Variants in RAB8B observed in about 807,000 individuals in gnomAD.
The protein encoded by RAB8B is RAB8B, member RAS oncogene family, also known as ras-related protein Rab-8B.
A neutral mutation model predicts 32.0 loss-of-function variants in RAB8B; 11 were observed. That is an observed-to-expected ratio of 0.34 (90% CI 0.22 to 0.57). The LOEUF (loss-of-function observed/expected upper bound fraction) is 0.57, where lower values mean the gene tolerates loss of function less well. Ranked by LOEUF, RAB8B falls within the 20% of genes least tolerant of loss-of-function variation. RAB8B has a pLI of 0.86. For synonymous variants in RAB8B, 103 were observed against 89.6 expected, an observed-to-expected ratio of 1.15 and a Z score of -0.85; for missense variants, 190 against 258.5, an observed-to-expected ratio of 0.73 and a Z score of 1.82.
intron 3 of RAB8B, among the ~76,000 whole-genome samples, chr15:63,250,224 A>G (rs2038106110): frequency 6.6e-6 from 1 of 152,252 alleles, no homozygotes; most frequent in South Asian, 2.1e-4. Flanking sequence ...TGATTAACTT[A>G]TAGATGTTCT....
chr15:63,229,780 C>CAAA (rs56015501), intron 1 of RAB8B, among the ~76,000 whole-genome samples: 793 of 35,884 alleles, frequency 0.022, 291 homozygotes, highest in Middle Eastern at 0.12. Flanking sequence ...GACGCTGTTT[C>CAAA]AAAAAAAAAA....
rs2038091518 is a variant in RAB8B, at chr15:63,248,763, A to C, written c.186-882A>C. 6.6e-6 allele frequency among the ~76,000 whole-genome samples: 1 copy of C among 152,076 alleles called. No individual in the cohort carries two copies. The highest frequency in any genetic ancestry group is 2.1e-4 in the South Asian group (1 of 4,826). ...ACTTATGATATTCCCTTGGGCCTTC[A>C]TCTTTTATTAGGATTTGGTATATAC... On this transcript the variant is annotated intron_variant, in intron 2 of 7. Transcript: ENST00000321437. This position sits in a 1 kb window ranked among gnomAD's most constrained non-coding sequence, Gnocchi z 4.4.
At chr15:63,203,860 A>AT (rs769384195) in intron 1 of RAB8B, among the ~76,000 whole-genome samples, 8 of 152,116 alleles carry the variant, frequency 5.3e-5, no homozygotes, top group East Asian at 1.9e-4. Context: ...ACTCAGAAGT[A>AT]TTTTTTCTGA....
intron 1 of RAB8B, among the ~76,000 whole-genome samples, chr15:63,200,867 G>A (rs2037642048): frequency 1.3e-5 from 2 of 152,192 alleles, no homozygotes; most frequent in African/African-American, 4.8e-5. Context: ...CTCTTGCTAT[G>A]AAAAGACACT....
At chr15:63,233,121 A>G (rs1036760819) in intron 1 of RAB8B, among the ~76,000 whole-genome samples, 6 of 147,260 alleles carry the variant, frequency 4.1e-5, no homozygotes, top group Admixed American at 1.4e-4. Context: ...TGGTGGCGCA[A>G]TGATCATAGC....
rs897061762 is a variant in RAB8B at position 63,259,245 on chromosome 15, G to A, written c.415-382G>A. ...AGCAATTCTCCTGCCTCAGCCTCCC[G>A]GGTAGCTGGGACTACAGGCGGGTGC... On this transcript the variant is annotated intron_variant, in intron 5 of 7. Transcript: ENST00000321437. The surrounding 1 kb of genome is among the most constrained non-coding windows in gnomAD (Gnocchi z 4.4). 5.9e-5 allele frequency among the ~76,000 whole-genome samples: 9 copies of A among 151,926 alleles called. No individual in the cohort carries two copies. Among genetic ancestry groups the A allele is most frequent in the East Asian group, 1.9e-4 (1 of 5,166 alleles).
intron 1 of RAB8B, among the ~76,000 whole-genome samples, chr15:63,200,435 A>G (rs2037637953): frequency 6.6e-6 from 1 of 152,244 alleles, no homozygotes; most frequent in Admixed American, 6.5e-5. Flanking sequence ...AAATTGTAAA[A>G]GTATTTCTTT....
chr15:63,253,028 G>A (rs888246262), intron 3 of RAB8B, among the ~76,000 whole-genome samples: 4 of 152,184 alleles, frequency 2.6e-5, no homozygotes, highest in Non-Finnish European at 5.9e-5. Flanking sequence ...GATTACAGGC[G>A]TGAGCCACCA....
At position 63,197,155 on chromosome 15, in the gene RAB8B, T is replaced by TA. The variant is rs541116716; in HGVS notation, c.124+7415dup. On this transcript the variant is annotated intron_variant, in intron 1 of 7. Coordinates refer to ENST00000321437, the MANE Select transcript of RAB8B (RefSeq NM_016530.3). ...GGGTTGAATAAGGCCAAATTCTATT[T>TA]AAAAAAAATATTTATATAAATATTT... Among the ~76,000 whole-genome samples the TA allele has an allele frequency of 5.3e-5, 8 of 151,650 alleles. No individual in the cohort carries two copies. In the South Asian group the frequency reaches 1.2e-3, roughly 24 times the overall value.
intron 1 of RAB8B, among the ~76,000 whole-genome samples, chr15:63,204,315 G>A (rs578253009): frequency 7.2e-5 from 11 of 152,302 alleles, no homozygotes; most frequent in Admixed American, 2.0e-4. Context: ...ATCAGCGGGT[G>A]TAAGGAGGCA....
intron 1 of RAB8B, among the ~76,000 whole-genome samples, chr15:63,234,015 CT>C (rs1468452088): frequency 6.6e-6 from 1 of 152,068 alleles, no homozygotes; most frequent in African/African-American, 2.4e-5. Flanking sequence ...CCAAATTAGT[CT>C]TTTAAAAGAA....
At chr15:63,226,541 C>A (rs2037890297) in intron 1 of RAB8B, among the ~76,000 whole-genome samples, 1 of 152,132 alleles carries the variant, frequency 6.6e-6, no homozygotes, top group African/African-American at 2.4e-5. Flanking sequence ...TCTTCTCTCA[C>A]CCTCAGAAAT....
intron 1 of RAB8B, among the ~76,000 whole-genome samples, chr15:63,193,068 A>T (rs1382847362): frequency 2.0e-5 from 3 of 152,130 alleles, no homozygotes; most frequent in African/African-American, 7.2e-5. Flanking sequence ...ACAAAAAGTA[A>T]ATTAAAAAAT....
intron 2 of RAB8B, among the ~76,000 whole-genome samples, chr15:63,247,277 A>G (rs916623840): frequency 2.6e-5 from 4 of 152,312 alleles, no homozygotes; most frequent in South Asian, 2.1e-4. Flanking sequence ...ATACCATCAC[A>G]TTGAGGATTA....
intron 6 of RAB8B, among the ~76,000 whole-genome samples, chr15:63,260,913 G>A (rs1595752352): frequency 6.6e-6 from 1 of 152,288 alleles, no homozygotes; most frequent in East Asian, 1.9e-4. Context: ...TTATTAGCCA[G>A]TGGACACTGA....
At chr15:63,255,805 G>A (rs189091720) in intron 4 of RAB8B, among the ~76,000 whole-genome samples, 1 of 152,342 alleles carries the variant, frequency 6.6e-6, no homozygotes, top group East Asian at 1.9e-4. Context: ...GCTTGGGCCA[G>A]ATATGGGAAA....
At position 63,259,246 on chromosome 15, in the gene RAB8B, G is replaced by A. The variant is rs994109497; in HGVS notation, c.415-381G>A. Among the ~76,000 whole-genome samples, 16 of 151,478 alleles carry A rather than the reference G, an allele frequency of 1.1e-4. No homozygotes were observed. Among genetic ancestry groups the A allele is most frequent in the African/African-American group, 3.2e-4 (13 of 41,162 alleles). On this transcript the variant is annotated intron_variant, in intron 5 of 7. Coordinates refer to ENST00000321437, the MANE Select transcript of RAB8B (RefSeq NM_016530.3). This position sits in a 1 kb window ranked among gnomAD's most constrained non-coding sequence, Gnocchi z 4.4. ...GCAATTCTCCTGCCTCAGCCTCCCG[G>A]GTAGCTGGGACTACAGGCGGGTGCC... is the stretch of plus-strand genomic sequence containing the variant.
intron 1 of RAB8B, among the ~76,000 whole-genome samples, chr15:63,226,252 TG>T (rs2037888338): frequency 6.6e-6 from 1 of 152,232 alleles, no homozygotes; most frequent in African/African-American, 2.4e-5. Context: ...CTATCATGTG[TG>T]GTTGAGCACT....
rs544309951 is a variant in RAB8B, at chr15:63,219,168, C to T, written c.125-25588C>T. ...CAAAAATTTAGCCGGGGTGGTGGCA[C>T]GCGCCTGTAGTCCCAGTTACTCAGG... On this transcript the variant is annotated intron_variant, in intron 1 of 7. Transcript: ENST00000321437. Among the ~76,000 whole-genome samples, 8 of 151,504 alleles carry T rather than the reference C, an allele frequency of 5.3e-5. No individual in the cohort carries two copies. The South Asian group carries it at 1.0e-3, about 20-fold the overall frequency.
Sources: allele counts gnomAD v4.1 joint callset (sites outside exome capture counted in the v4.1 genomes callset), GRCh38; gene constraint gnomAD v4.1.1; non-coding constraint Gnocchi (gnomAD v3.1); transcripts MANE v1.5; gene names NCBI Gene and HGNC (gene_info 2026-07-23, HGNC 2026-07-21).